PALS1: variants seen among roughly 807,000 people sequenced by gnomAD.
PALS1 encodes protein associated with LIN7 1, MAGUK p55 family member, also known as protein PALS1.
In PALS1, 31 loss-of-function variants were observed where a neutral mutation model predicts 78.9. That is an observed-to-expected ratio of 0.39 (90% CI 0.30 to 0.53). The LOEUF (loss-of-function observed/expected upper bound fraction) is 0.53. PALS1 is among the 20% of genes least tolerant of loss of function. The probability of loss-of-function intolerance (pLI) is 0.67; values close to 1 mark genes in which losing one functional copy is unlikely to be tolerated. For missense variants in PALS1, 704 were observed against 826.5 expected, an observed-to-expected ratio of 0.85 and a Z score of 1.82; for synonymous variants, 276 against 270.9, an observed-to-expected ratio of 1.02 and a Z score of -0.18.
intron 14 of PALS1, among the ~76,000 whole-genome samples, chr14:67,327,327 TAAA>T (rs1297981525): frequency 6.6e-6 from 1 of 151,826 alleles, no homozygotes; most frequent in Non-Finnish European, 1.5e-5. Context: ...TTTAATTGTA[TAAA>T]AAACTGCTAA....
At chr14:67,269,877 A>G (rs963915568) in intron 2 of PALS1, 94 bp downstream of exon 2, 3 of 152,444 alleles carry the variant, frequency 2.0e-5, no homozygotes, top group Admixed American at 6.5e-5. Context: ...AGAATGTCAG[A>G]GGAATGCTGA....
Position 67,333,610 on chromosome 14 carries a change from T to C in PALS1, c.*654T>C. ...AGTTTTTTTGCTCAGACTTTGTGGA[T>C]CAGACTCTACACTCAACACACTCTA... On this transcript the variant is annotated 3_prime_UTR_variant, in exon 15 of 15. Transcript: ENST00000261681. 1 of 152,746 alleles carries C rather than the reference T, an allele frequency of 6.5e-6. No individual in the cohort carries two copies. The highest frequency in any genetic ancestry group is 1.5e-5 in the Non-Finnish European group (1 of 68,022). 9.5% of individuals were successfully genotyped at this position (152,746 alleles called of 1,614,324 possible).
At chr14:67,262,942 T>C (rs1247529922) in intron 1 of PALS1, among the ~76,000 whole-genome samples, 1 of 152,184 alleles carries the variant, frequency 6.6e-6, no homozygotes, top group East Asian at 1.9e-4. Flanking sequence ...ATAAATTACC[T>C]TTTATCCTAG....
chr14:67,316,782 T>C (rs1321763095), intron 9 of PALS1, 50 bp from the exon 10 acceptor site: 1 of 1,488,436 alleles, frequency 6.7e-7, no homozygotes, highest in African/African-American at 1.4e-5. Context: ...AAAAAATTCT[T>C]ATCCTTTTAT....
chr14:67,298,270 T>G (rs976945929), intron 4 of PALS1, among the ~76,000 whole-genome samples: 2 of 152,158 alleles, frequency 1.3e-5, no homozygotes, highest in Admixed American at 1.3e-4. Context: ...TCAAAATAGT[T>G]ATACTGTTAC....
chr14:67,309,958 G>C (rs1259743723), intron 8 of PALS1, among the ~76,000 whole-genome samples: 1 of 151,228 alleles, frequency 6.6e-6, no homozygotes, highest in East Asian at 1.9e-4. Flanking sequence ...TCCACTACAA[G>C]TGATGCCAAA....
chr14:67,271,155 C>G (rs932359564), intron 2 of PALS1: 1 of 152,186 alleles, frequency 6.6e-6, no homozygotes, highest in South Asian at 2.1e-4. Context: ...GCAGGTATCA[C>G]GGCTATAGAG....
chr14:67,332,127 C>G (rs184324243), intron 14 of PALS1, among the ~76,000 whole-genome samples: 1 of 152,248 alleles, frequency 6.6e-6, no homozygotes, highest in Non-Finnish European at 1.5e-5. Context: ...TCTTCATTGG[C>G]AGGGGTGATT....
chr14:67,323,907 G>C, intron 14 of PALS1, 95 bp downstream of exon 14: 1 of 669,028 alleles, frequency 1.5e-6, no homozygotes, highest in Non-Finnish European at 2.6e-6. Context: ...ACATTAGCTT[G>C]AGCTTTCAAA....
At chr14:67,248,796 C>G (rs1370487671) in intron 1 of PALS1, among the ~76,000 whole-genome samples, 1 of 152,138 alleles carries the variant, frequency 6.6e-6, no homozygotes, top group African/African-American at 2.4e-5. Context: ...GATTTGACCT[C>G]TGGACTTAGT....
At chr14:67,279,580 T>C in intron 3 of PALS1, 43 bp downstream of exon 3, 1 of 1,487,250 alleles carries the variant, frequency 6.7e-7, no homozygotes, top group Non-Finnish European at 9.0e-7. Context: ...TTTGCTTTAA[T>C]TTATCTGTGC....
Position 67,333,789 on chromosome 14 carries a change from A to C in PALS1, c.*833A>C, listed in dbSNP as rs906465755. 2 of 151,034 alleles carry C rather than the reference A, an allele frequency of 1.3e-5. No individual in the cohort carries two copies. Among genetic ancestry groups the C allele is most frequent in the African/African-American group, 5.0e-5 (2 of 40,402 alleles). 9.4% of individuals were successfully genotyped at this position (151,034 alleles called of 1,614,324 possible). Reference sequence around the variant, plus strand: ...TGTATGTTACATTTTTATGAATGGCAGGTGTTCATTATAATCTGTATTGAC... The same window carrying C: ...TGTATGTTACATTTTTATGAATGGCCGGTGTTCATTATAATCTGTATTGAC... On this transcript the variant is annotated 3_prime_UTR_variant, in exon 15 of 15. Coordinates refer to ENST00000261681, the MANE Select transcript of PALS1 (RefSeq NM_022474.4).
chr14:67,262,437 G>T (rs1167961859), intron 1 of PALS1, among the ~76,000 whole-genome samples: 1 of 152,064 alleles, frequency 6.6e-6, no homozygotes, highest in Non-Finnish European at 1.5e-5. Flanking sequence ...AGACTCAGTT[G>T]ACATACTCAG....
intron 3 of PALS1, among the ~76,000 whole-genome samples, chr14:67,288,144 A>C (rs570166741): frequency 1.3e-5 from 2 of 151,884 alleles, no homozygotes; most frequent in Non-Finnish European, 2.9e-5. Flanking sequence ...CAGTGGTGCG[A>C]TCTCCGCTCA....
intron 1 of PALS1, among the ~76,000 whole-genome samples, chr14:67,254,951 C>CT: frequency 6.6e-6 from 1 of 152,284 alleles, no homozygotes; most frequent in East Asian, 1.9e-4. Context: ...GAGATTGAGA[C>CT]CATCCTAGCC....
intron 1 of PALS1, among the ~76,000 whole-genome samples, chr14:67,263,837 C>T (rs2140522036): frequency 6.9e-6 from 1 of 144,728 alleles, no homozygotes; most frequent in South Asian, 2.3e-4. Flanking sequence ...ACTGCTTACT[C>T]AACCATTTAA....
At chr14:67,329,273 CTCTT>C (rs575707587) in intron 14 of PALS1, among the ~76,000 whole-genome samples, 256 of 152,262 alleles carry the variant, frequency 1.7e-3, no homozygotes, top group African/African-American at 5.6e-3. Context: ...ATTTGGCTCT[CTCTT>C]TGTCTGTTAT....
chr14:67,264,130 C>T (rs894827100), intron 1 of PALS1, among the ~76,000 whole-genome samples: 3 of 152,110 alleles, frequency 2.0e-5, no homozygotes, highest in African/African-American at 4.8e-5. Context: ...GGACATGCAA[C>T]CATATGTACA....
At chr14:67,323,667 C>A in intron 13 of PALS1, 35 bp from the exon 14 acceptor site, 2 of 892,978 alleles carry the variant, frequency 2.2e-6, no homozygotes, top group South Asian at 1.7e-5. Flanking sequence ...TTAAATGATG[C>A]AAATTATTTT....
Sources: allele counts gnomAD v4.1 joint callset (sites outside exome capture counted in the v4.1 genomes callset), GRCh38; gene constraint gnomAD v4.1.1; transcripts MANE v1.5; gene names NCBI Gene and HGNC (gene_info 2026-07-23, HGNC 2026-07-21).